SP140: variants seen among roughly 807,000 people sequenced by gnomAD.
SP140 encodes the protein nuclear body protein SP140.
A neutral mutation model predicts 125.0 loss-of-function variants in SP140; 81 were observed. The ratio of observed to expected loss-of-function variants is 0.65; its 90% CI spans 0.54 to 0.78. SP140 has a LOEUF of 0.78. Ranked by LOEUF, SP140 falls within the 30% of genes least tolerant of loss-of-function variation. The probability of loss-of-function intolerance (pLI) is 0.00; values close to 1 mark genes in which losing one functional copy is unlikely to be tolerated. For missense variants in SP140, 858 were observed against 1,037.0 expected, an observed-to-expected ratio of 0.83 and a Z score of 2.37; for synonymous variants, 312 against 354.0, an observed-to-expected ratio of 0.88 and a Z score of 1.33.
Position 230,254,917 on chromosome 2 carries a change from T to C in SP140, c.1160-535T>C, listed in dbSNP as rs2050908569. On this transcript the variant is annotated intron_variant, in intron 11 of 26. Coordinates refer to ENST00000392045, the MANE Select transcript of SP140 (RefSeq NM_007237.5). Reference sequence around the variant, plus strand: ...CCCTTGAGCCACACTTCCCCTGTACTATGTGTTGTTGCCTTGGCCCACTCT... The same window carrying C: ...CCCTTGAGCCACACTTCCCCTGTACCATGTGTTGTTGCCTTGGCCCACTCT... 2.0e-5 allele frequency among the ~76,000 whole-genome samples: 3 copies of C among 152,196 alleles called. No homozygotes were observed. The South Asian group carries it at 6.2e-4, about 32-fold the overall frequency.
downstream of SP140, among the ~76,000 whole-genome samples, chr2:230,315,058 C>G (rs1418864661): frequency 6.6e-6 from 1 of 152,184 alleles, no homozygotes; most frequent in African/African-American, 2.4e-5. Context: ...TATGCTGTTC[C>G]TATAGGCAAG....
At chr2:230,235,229 A>AC (rs2047798334) in intron 1 of SP140, among the ~76,000 whole-genome samples, 2 of 152,144 alleles carry the variant, frequency 1.3e-5, no homozygotes, top group Non-Finnish European at 2.9e-5. Flanking sequence ...CTCCTTCTCA[A>AC]CCACCACTGC....
intron 21 of SP140, among the ~76,000 whole-genome samples, chr2:230,294,952 C>T (rs1428879417): frequency 6.6e-6 from 1 of 152,160 alleles, no homozygotes; most frequent in Non-Finnish European, 1.5e-5. Flanking sequence ...AGGAAGATCT[C>T]CAGAGGCAAA....
intron 22 of SP140, among the ~76,000 whole-genome samples, chr2:230,298,398 T>A (rs2057962673): frequency 6.6e-6 from 1 of 152,214 alleles, no homozygotes; most frequent in Admixed American, 6.5e-5. Context: ...ATACACACCT[T>A]ACCTCCAAAG....
chr2:230,295,806 A>G (rs1010491), intron 21 of SP140, among the ~76,000 whole-genome samples: 12,436 of 152,264 alleles, frequency 0.082, 690 homozygotes, highest in South Asian at 0.19. Flanking sequence ...ACTCACCCAG[A>G]ATAATTGTTG....
At chr2:230,299,540 G>T (rs1460152191) in intron 22 of SP140, among the ~76,000 whole-genome samples, 1 of 152,182 alleles carries the variant, frequency 6.6e-6, no homozygotes, top group East Asian at 1.9e-4. Context: ...TGGGGAGAAG[G>T]AGGCTTCCAG....
intron 26 of SP140, among the ~76,000 whole-genome samples, chr2:230,312,081 A>G (rs372670383): frequency 4.0e-4 from 61 of 152,340 alleles, no homozygotes; most frequent in African/African-American, 1.3e-3. Context: ...GAATTGTTGA[A>G]AGAACCTAGA....
intron 9 of SP140, 32 bp downstream of exon 9, chr2:230,249,000 G>A (rs1212752233): frequency 2.6e-6 from 4 of 1,543,768 alleles, no homozygotes; most frequent in Non-Finnish European, 3.6e-6. Context: ...AAATATTTGA[G>A]TACATCTTTG....
chr2:230,237,015 ATCT>A lies in SP140; in HGVS notation c.60-64_60-62del. ...CCATTGGCCATCCTTCATGTCTAAA[ATCT>A]TCTAACCACCACAAACCTCTTGGAA... On this transcript the variant is annotated intron_variant, in intron 1 of 26. Transcript: ENST00000392045. The surrounding 1 kb of genome is among the most constrained non-coding windows in gnomAD (Gnocchi z 5.4). 2 of 1,322,870 alleles carry A rather than the reference ATCT, an allele frequency of 1.5e-6. No individual in the cohort carries two copies. Among genetic ancestry groups the A allele is most frequent in the South Asian group, 1.7e-5 (1 of 59,664 alleles). 81.9% of individuals were successfully genotyped at this position (1,322,870 alleles called of 1,614,324 possible). A position where few individuals can be genotyped will look rare whatever the true frequency, so the allele number is the denominator to read the frequency against.
chr2:230,309,861 C>G lies in SP140; in HGVS notation c.2059-63C>G, dbSNP rs149356711. On this transcript the variant is annotated intron_variant, in intron 22 of 26. Transcript: ENST00000392045. ...ACAAAGGCAGTGTGTTCTAGTTGCC[C>G]AGAGGGTTGGCCTTCCTGAATCTTG... 7.4e-3 allele frequency: 11,616 copies of G among 1,569,904 alleles called. 54 individuals are homozygous for G. The highest frequency in any genetic ancestry group is 9.9e-3 in the Admixed American group (590 of 59,836).
chr2:230,307,955 GTA>G (rs60233854), intron 22 of SP140, among the ~76,000 whole-genome samples: 1,120 of 48,342 alleles, frequency 0.023, 24 homozygotes, highest in African/African-American at 0.046. Context: ...GGACATGCAT[GTA>G]TATATATATA....
intron 3 of SP140, 91 bp downstream of exon 3, chr2:230,238,472 T>TTGAC: frequency 3.2e-6 from 4 of 1,239,956 alleles, no homozygotes; most frequent in Non-Finnish European, 4.6e-6. Context: ...TGACAAATAT[T>TTGAC]TGACTGAGTG....
intron 3 of SP140, chr2:230,239,071 C>T (rs375382395): frequency 6.5e-5 from 90 of 1,382,136 alleles, no homozygotes; most frequent in Middle Eastern, 2.7e-4. Flanking sequence ...GGCATTTAAA[C>T]GGGAAAAGTA....
rs574863518 is a variant in SP140, at chr2:230,292,908, C to T, written c.1968+120C>T. On this transcript the variant is annotated intron_variant, in intron 20 of 26. Transcript: ENST00000392045. ...AAAGCCTTGATGCCAGTGGGTTTAT[C>T]CTCTCACTCAGGAGAGAGGGACCCC... The T allele has an allele frequency of 8.8e-5, 127 of 1,442,808 alleles. No individual in the cohort carries two copies. In the East Asian group the frequency reaches 2.6e-3, roughly 30 times the overall value. The allele number at this position is 1,442,808 out of a possible 1,614,324, so 89.4% of individuals were successfully genotyped here. A position where few individuals can be genotyped will look rare whatever the true frequency, so the allele number is the denominator to read the frequency against.
intron 4 of SP140, 118 bp downstream of exon 4, chr2:230,241,605 C>A: frequency 1.5e-6 from 1 of 667,304 alleles, no homozygotes. Flanking sequence ...AGTCCTCCTC[C>A]CCTCACACAG....
chr2:230,204,159 T>C (rs2043494586), intron 1 of SP140, among the ~76,000 whole-genome samples: 1 of 152,098 alleles, frequency 6.6e-6, no homozygotes, highest in South Asian at 2.1e-4. Flanking sequence ...GGGACTGGAG[T>C]CTACTCCTTT....
At chr2:230,248,278 C>A (rs993853730) in intron 8 of SP140, among the ~76,000 whole-genome samples, 1 of 152,096 alleles carries the variant, frequency 6.6e-6, no homozygotes, top group Non-Finnish European at 1.5e-5. Flanking sequence ...GAAATGCAAG[C>A]AGGATATTAT....
chr2:230,246,422 G>A (rs2049461836), intron 7 of SP140, among the ~76,000 whole-genome samples: 1 of 152,090 alleles, frequency 6.6e-6, no homozygotes, highest in African/African-American at 2.4e-5. Flanking sequence ...TAACATTTGG[G>A]TAATATTACC....
chr2:230,210,936 G>A (rs750350935), intron 1 of SP140, among the ~76,000 whole-genome samples: 18 of 152,214 alleles, frequency 1.2e-4, no homozygotes, highest in Non-Finnish European at 8.8e-5. Context: ...TCAGGTGGGG[G>A]CTTGGAAGGA....
Sources: allele counts gnomAD v4.1 joint callset (sites outside exome capture counted in the v4.1 genomes callset), GRCh38; gene constraint gnomAD v4.1.1; non-coding constraint Gnocchi (gnomAD v3.1); transcripts MANE v1.5; gene names NCBI Gene and HGNC (gene_info 2026-07-23, HGNC 2026-07-21).